The following IL31RA variants were observed in gnomAD, a reference collection of about 807,000 sequenced individuals.
IL31RA encodes interleukin-31 receptor subunit alpha.
A neutral mutation model predicts 83.7 loss-of-function variants in IL31RA; 66 were observed. The observed-to-expected ratio is 0.79, with a 90% CI of 0.65 to 0.97. The LOEUF is 0.97. IL31RA is among the 50% of genes least tolerant of loss of function. The pLI is 0.00. For missense variants in IL31RA, 798 were observed against 919.4 expected (o/e 0.87, Z 1.71); for synonymous variants, 325 against 329.0 (o/e 0.99, Z 0.13).
At chr5:55,879,117 C>A (rs547265277) in intron 4 of IL31RA, among the ~76,000 whole-genome samples, 111 of 152,214 alleles carry the variant, frequency 7.3e-4, no homozygotes, top group Non-Finnish European at 1.3e-3. Flanking sequence ...TCTTTTCCTG[C>A]CTGAGATTAA....
At chr5:55,847,245 A>AT (rs1328447920), upstream of IL31RA, among the ~76,000 whole-genome samples, 11 of 18,202 alleles carry the variant, frequency 6.0e-4, no homozygotes, top group South Asian at 3.2e-3. Flanking sequence ...AAAAAAATAA[A>AT]AATAAATAAA....
intron 8 of IL31RA, among the ~76,000 whole-genome samples, chr5:55,902,940 C>G (rs1416140678): frequency 6.6e-6 from 1 of 152,142 alleles, no homozygotes; most frequent in Non-Finnish European, 1.5e-5. Flanking sequence ...TGGGATGATT[C>G]CAGCTCGGAT....
chr5:55,885,582 C>T (rs1022309441), intron 5 of IL31RA, among the ~76,000 whole-genome samples: 22 of 152,236 alleles, frequency 1.4e-4, no homozygotes, highest in Admixed American at 3.3e-4. Flanking sequence ...AGTCTGTTGT[C>T]GACATGCGCG....
chr5:55,888,253 A>G (rs1747762065), intron 5 of IL31RA, among the ~76,000 whole-genome samples: 1 of 152,198 alleles, frequency 6.6e-6, no homozygotes, highest in African/African-American at 2.4e-5. Flanking sequence ...CTAAGCCTGT[A>G]TATAAAGGAT....
Position 55,910,715 on chromosome 5 carries a change from T to G in IL31RA, c.1642+43T>G, listed in dbSNP as rs200065622. 1.4e-3 allele frequency: 2,315 copies of G among 1,605,828 alleles called. 1 individual carries two copies. The highest frequency in any genetic ancestry group is 1.8e-3 in the Non-Finnish European group (2,129 of 1,172,678). On this transcript the variant is annotated intron_variant, in intron 12 of 14. Coordinates refer to ENST00000652347, the MANE Select transcript of IL31RA (RefSeq NM_139017.7). ...GCCTTAGGTACCTCTCCCTCACGTT[T>G]ACCTTACATCAGAGAGAAATGACAT...
rs779251690 is a variant in IL31RA, at chr5:55,906,255, G to A, written c.1219G>A (p.Val407Met). 2 of 1,614,192 alleles carry A rather than the reference G, an allele frequency of 1.2e-6. No homozygotes were observed. Among genetic ancestry groups the A allele is most frequent in the Non-Finnish European group, 1.7e-6 (2 of 1,180,038 alleles). ...GCCCACCACCCTTTCCTGGGAATCT[G>A]TGTCTCAGGCCACGAACTGGACGAT... ...SEPTTLSWESVSQATNWTIQQ... is the reference protein window; with the variant it reads ...SEPTTLSWESMSQATNWTIQQ... The change falls in exon 9 of 15, where the codon GTG becomes ATG. Residue 407 changes from valine to methionine, a missense_variant. Physicochemically the swap from Val to Met is conservative, Grantham distance 21. Transcript: ENST00000652347.
intron 5 of IL31RA, among the ~76,000 whole-genome samples, chr5:55,886,270 T>TG (rs779156916): frequency 2.7e-5 from 1 of 36,876 alleles, no homozygotes; most frequent in African/African-American, 1.5e-4. Context: ...CTTGCTTGCT[T>TG]TTTTTTTTTT....
At chr5:55,864,652 C>G (rs1184425744) in intron 2 of IL31RA, among the ~76,000 whole-genome samples, 1 of 150,832 alleles carries the variant, frequency 6.6e-6, no homozygotes. Flanking sequence ...CACCAACACG[C>G]TCCAGCGGAC....
chr5:55,866,541 G>C (rs1746057717), intron 2 of IL31RA: 1 of 152,528 alleles, frequency 6.6e-6, no homozygotes, highest in Admixed American at 6.6e-5. Context: ...GGCAGGGGTA[G>C]GGGTGGGGGC....
chr5:55,910,462 T>C, intron 11 of IL31RA, 70 bp from the exon 12 acceptor site: 1 of 1,568,124 alleles, frequency 6.4e-7, no homozygotes, highest in South Asian at 1.1e-5. Context: ...TGCTCTTATT[T>C]TGGTGCTACT....
At chr5:55,871,771 TC>T (rs1261661852) in intron 3 of IL31RA, among the ~76,000 whole-genome samples, 1 of 148,176 alleles carries the variant, frequency 6.7e-6, no homozygotes, top group Non-Finnish European at 1.5e-5. Context: ...CTACTTTTTT[TC>T]ACCAGCAGTA....
chr5:55,882,283 A>C (rs1747288142), intron 4 of IL31RA, among the ~76,000 whole-genome samples: 1 of 152,236 alleles, frequency 6.6e-6, no homozygotes, highest in South Asian at 2.1e-4. Context: ...ATGTTCATTC[A>C]TAAAGTAGAA....
At chr5:55,892,467 C>T (rs907041930) in intron 6 of IL31RA, among the ~76,000 whole-genome samples, 1 of 152,200 alleles carries the variant, frequency 6.6e-6, no homozygotes, top group African/African-American at 2.4e-5. Context: ...AGTATTAACA[C>T]TAGTATTAAC....
intron 5 of IL31RA, 30 bp downstream of exon 5, chr5:55,883,225 A>ATTTTTTTTTCTTTTTTTTTTTTTTTTT (rs1561555087): frequency 1.3e-6 from 2 of 1,542,954 alleles, no homozygotes; most frequent in African/African-American, 2.7e-5. Flanking sequence ...TAATATTCCA[A>ATTTTTTTTTCTTTTTTTTTTTTTTTTT]TTAGAGGCCC....
At position 55,906,303 on chromosome 5, in the gene IL31RA, A is replaced by G. The variant is rs753824487; in HGVS notation, c.1252+15A>G. On this transcript the variant is annotated intron_variant, in intron 9 of 14. Coordinates refer to ENST00000652347, the MANE Select transcript of IL31RA (RefSeq NM_139017.7). ...GATCCAGCAAGGTAGCCAGGGCGGA[A>G]CTCACAGGTTCCCTCAGTGCAGGGT... The G allele has an allele frequency of 1.1e-5, 17 of 1,613,004 alleles. No individual in the cohort carries two copies. In the African/African-American group the frequency reaches 1.7e-4, roughly 16 times the overall value.
rs774818188 is a variant in IL31RA at position 55,896,332 on chromosome 5, C to G, written c.773-18C>G. The G allele has an allele frequency of 1.3e-6, 2 of 1,581,792 alleles. No individual in the cohort carries two copies. Among genetic ancestry groups the G allele is most frequent in the South Asian group, 2.2e-5 (2 of 90,424 alleles). On this transcript the variant is annotated intron_variant, in intron 6 of 14. Coordinates refer to ENST00000652347, the MANE Select transcript of IL31RA (RefSeq NM_139017.7). ...TCCCTTATCTCTGGGTTGAGTACCTCATTCTTGTTCCTTACAGCTCCATGT... is the reference window on the plus strand; with the variant it reads ...TCCCTTATCTCTGGGTTGAGTACCTGATTCTTGTTCCTTACAGCTCCATGT...
chr5:55,855,821 G>T (rs1396536755), intron 1 of IL31RA, among the ~76,000 whole-genome samples: 1 of 152,194 alleles, frequency 6.6e-6, no homozygotes, highest in Non-Finnish European at 1.5e-5. Flanking sequence ...TAAGTGCTTA[G>T]ATTTGTTTGC....
chr5:55,867,304 C>CATGT (rs71602920), intron 2 of IL31RA, among the ~76,000 whole-genome samples: 9 of 118,190 alleles, frequency 7.6e-5, no homozygotes, highest in Non-Finnish European at 1.5e-4. Context: ...TGTGTGTGTG[C>CATGT]GTGTGTGTGT....
chr5:55,919,839 C>T lies in IL31RA; in HGVS notation c.*2719C>T, dbSNP rs1749999491. ...TCTCCTGGATCGAGTCACCAACTGT[C>T]CCCGCTCTGGGCACCAGGGACTGCC... On this transcript the variant is annotated 3_prime_UTR_variant, in exon 15 of 15. Transcript: ENST00000652347. Among the ~76,000 whole-genome samples the T allele has an allele frequency of 6.6e-6, 1 of 152,204 alleles. No individual in the cohort carries two copies. The highest frequency in any genetic ancestry group is 1.5e-5 in the Non-Finnish European group (1 of 68,046).
Sources: allele counts gnomAD v4.1 joint callset (sites outside exome capture counted in the v4.1 genomes callset), GRCh38; gene constraint gnomAD v4.1.1; transcripts MANE v1.5; gene names NCBI Gene and HGNC (gene_info 2026-07-23, HGNC 2026-07-21).